The following EIF4G1 variants were observed in gnomAD, a reference collection of about 807,000 sequenced individuals.
The protein encoded by EIF4G1 is EIF4-gamma.
In EIF4G1, 4 loss-of-function variants were observed where a neutral mutation model predicts 187.8. The ratio of observed to expected loss-of-function variants is 0.02; its 90% CI spans 0.01 to 0.05. The LOEUF (loss-of-function observed/expected upper bound fraction) is 0.05, where lower values mean the gene tolerates loss of function less well. Ranked by LOEUF, EIF4G1 falls within the 10% of genes least tolerant of loss-of-function variation. The probability of loss-of-function intolerance (pLI) is 1.00; values close to 1 mark genes in which losing one functional copy is unlikely to be tolerated. For synonymous variants in EIF4G1, 844 were observed against 781.4 expected, an observed-to-expected ratio of 1.08 and a Z score of -1.34; for missense variants, 1,647 against 2,081.1, an observed-to-expected ratio of 0.79 and a Z score of 4.06.
Position 184,323,396 on chromosome 3 carries a change from C to T in EIF4G1, c.2089-12C>T. ...TCCATGTCCCCTCTTGTCTTCATCC[C>T]TTGCTTAGCAGGCTGGCCTGGGACC... is the stretch of plus-strand genomic sequence containing the variant. On this transcript the variant is annotated splice_polypyrimidine_tract_variant and intron_variant, in intron 14 of 32. Transcript: ENST00000346169. The surrounding 1 kb of genome is among the most constrained non-coding windows in gnomAD (Gnocchi z 6.9). 1 of 1,614,178 alleles carries T rather than the reference C, an allele frequency of 6.2e-7. No homozygotes were observed. Among genetic ancestry groups the T allele is most frequent in the Middle Eastern group, 1.7e-4 (1 of 6,056 alleles).
At chr3:184,324,854 C>T in intron 17 of EIF4G1, 24 bp from the exon 18 acceptor site, 1 of 1,610,578 alleles carries the variant, frequency 6.2e-7, no homozygotes, top group Non-Finnish European at 8.5e-7. Context: ...CTTTTTGACA[C>T]AATCCCTGTC....
In EIF4G1 at chr3:184,321,409, G is replaced by T. The variant is rs1459130997; in HGVS notation, c.825G>T (p.Gly275=). 1 of 1,614,112 alleles carries T rather than the reference G, an allele frequency of 6.2e-7. No individual in the cohort carries two copies. The highest frequency in any genetic ancestry group is 8.5e-7 in the Non-Finnish European group (1 of 1,180,030). The change falls in exon 10 of 33, where the codon GGG becomes GGT. Residue 275 remains glycine, a synonymous_variant. Transcript: ENST00000346169. ...CACCATCCCCAGTCTTGGAACCGGG[G>T]TCTGAGCCTAATCTCGCAGTCCTCT... ...TPSPSPVLEP[G]SEPNLAVLSI... is the part of the protein sequence containing the mutation.
chr3:184,325,709 T>C lies in EIF4G1; in HGVS notation c.3121+70T>C. ...GGAGGTTATACTTTCCTCTGATGAC[T>C]TCCTGTTAGTGCCACGTGTCTGGGC... On this transcript the variant is annotated intron_variant, in intron 20 of 32. Coordinates refer to ENST00000346169, the MANE Select transcript of EIF4G1 (RefSeq NM_198241.3). The surrounding 1 kb of genome is among the most constrained non-coding windows in gnomAD (Gnocchi z 5.2). 6.2e-7 allele frequency: 1 copy of C among 1,612,962 alleles called. No homozygotes were observed. The highest frequency in any genetic ancestry group is 8.5e-7 in the Non-Finnish European group (1 of 1,178,984).
intron 32 of EIF4G1, among the ~76,000 whole-genome samples, chr3:184,332,639 G>T (rs1726337421): frequency 6.6e-6 from 1 of 152,154 alleles, no homozygotes; most frequent in Non-Finnish European, 1.5e-5. Flanking sequence ...GGGTGCTCTC[G>T]GAGGGAGGAC....
In EIF4G1 at chr3:184,325,669, G is replaced by A. The variant is rs1331987387; in HGVS notation, c.3121+30G>A. On this transcript the variant is annotated intron_variant, in intron 20 of 32. Coordinates refer to ENST00000346169, the MANE Select transcript of EIF4G1 (RefSeq NM_198241.3). This position sits in a 1 kb window ranked among gnomAD's most constrained non-coding sequence, Gnocchi z 5.2. Reference sequence around the variant, plus strand: ...GTTCCAAGCTGGGATTGAGAAGGGAGCAGTGAAGGGACCGGGAGGTTATAC... The same window carrying A: ...GTTCCAAGCTGGGATTGAGAAGGGAACAGTGAAGGGACCGGGAGGTTATAC... The A allele has an allele frequency of 6.2e-7, 1 of 1,614,044 alleles. No individual in the cohort carries two copies. Among genetic ancestry groups the A allele is most frequent in the East Asian group, 2.2e-5 (1 of 44,906 alleles).
At chr3:184,326,703 G>GAGGCCTTCAGTACAAGGTGGTTAGGC in intron 22 of EIF4G1, 74 bp downstream of exon 22, 1 of 1,557,992 alleles carries the variant, frequency 6.4e-7, no homozygotes. Context: ...TTCTGTTAGG[G>GAGGCCTTCAGTACAAGGTGGTTAGGC]AGGCCTTCAG....
chr3:184,319,457 G>T (rs1723431492), intron 6 of EIF4G1, among the ~76,000 whole-genome samples: 1 of 38,490 alleles, frequency 2.6e-5, no homozygotes, highest in Non-Finnish European at 5.1e-5. Context: ...GTGTGTGTGT[G>T]TGTGTGTGTT....
chr3:184,331,113 G>C (rs1280301538), intron 28 of EIF4G1, among the ~76,000 whole-genome samples, 153 bp from the exon 29 acceptor site: 1 of 152,192 alleles, frequency 6.6e-6, no homozygotes, highest in Non-Finnish European at 1.5e-5. Flanking sequence ...AGGAATGGAA[G>C]GGCTTTGCCT....
chr3:184,317,637 G>T, intron 5 of EIF4G1, 80 bp from the exon 6 acceptor site: 1 of 1,534,186 alleles, frequency 6.5e-7, no homozygotes, highest in South Asian at 1.1e-5. Context: ...GTCTTGTCTT[G>T]ACCTATGTTC....
rs112964442 is a variant in EIF4G1, at chr3:184,324,859, C to A, written c.2620-19C>A. 10 of 1,611,482 alleles carry A rather than the reference C, an allele frequency of 6.2e-6. No individual in the cohort carries two copies. Among genetic ancestry groups the A allele is most frequent in the African/African-American group, 2.7e-5 (2 of 74,902 alleles). ...GGCTGGTTATCTTTTTGACACAATC[C>A]CTGTCCTGTGAATGGCAGGCAGAGG... is the stretch of plus-strand genomic sequence containing the variant. On this transcript the variant is annotated intron_variant, in intron 17 of 32. Transcript: ENST00000346169.
rs1934921146 is a variant in EIF4G1 at position 184,327,228 on chromosome 3, C to T, written c.3441C>T (p.Ser1147=). 26 of 1,612,572 alleles carry T rather than the reference C, an allele frequency of 1.6e-5. No individual in the cohort carries two copies. The highest frequency in any genetic ancestry group is 2.7e-5 in the African/African-American group (2 of 74,900). The change falls in exon 24 of 33, where the codon AGC becomes AGT. Residue 1147 remains serine, a synonymous_variant. Transcript: ENST00000346169. ...GTCTGTCTTCCAGGAGTAGCTTGAGCCGAGAACGAGGCGAGAAAGCTGGAG... is the reference window on the plus strand; with the variant it reads ...GTCTGTCTTCCAGGAGTAGCTTGAGTCGAGAACGAGGCGAGAAAGCTGGAG... ...NRRVVQRSSL[S]RERGEKAGDR... is the part of the protein sequence containing the mutation.
In EIF4G1 at chr3:184,326,893, C is replaced by T. The variant is rs1351370383; in HGVS notation, c.3338C>T (p.Ala1113Val). 1 of 1,614,220 alleles carries T rather than the reference C, an allele frequency of 6.2e-7. No individual in the cohort carries two copies. Among genetic ancestry groups the T allele is most frequent in the African/African-American group, 1.3e-5 (1 of 75,056 alleles). The change falls in exon 23 of 33, where the codon GCT becomes GTT. Residue 1113 changes from alanine to valine, a missense_variant. Around this residue, in one of 11 missense-constraint regions of EIF4G1, gnomAD observed 543 missense variants for 638.0 expected, o/e 0.85. Transcript: ENST00000346169. Reference protein sequence around the residue: ...AKPSDAASEAARPATSTLNRF... With the variant: ...AKPSDAASEAVRPATSTLNRF... Reference sequence around the variant, plus strand: ...TCTGCATCCCCAGCATCAGAAGCTGCTCGCCCAGCTACTAGTACTTTGAAT... The same window carrying T: ...TCTGCATCCCCAGCATCAGAAGCTGTTCGCCCAGCTACTAGTACTTTGAAT...
At position 184,329,000 on chromosome 3, in the gene EIF4G1, G is replaced by A. The variant is rs1725504728; in HGVS notation, c.4161+10G>A. The A allele has an allele frequency of 2.5e-6, 4 of 1,613,914 alleles. No homozygotes were observed. In the Admixed American group the frequency reaches 6.7e-5, roughly 27 times the overall value. Reference sequence around the variant, plus strand: ...CCTGTGCAAAAGCATGGTGAGTGAGGGCCAGGAGTCCAGAGATGCCTCCCA... The same window carrying A: ...CCTGTGCAAAAGCATGGTGAGTGAGAGCCAGGAGTCCAGAGATGCCTCCCA... On this transcript the variant is annotated intron_variant, in intron 28 of 32. Coordinates refer to ENST00000346169, the MANE Select transcript of EIF4G1 (RefSeq NM_198241.3).
Position 184,323,528 on chromosome 3 carries a change from A to C in EIF4G1, c.2209A>C (p.Ser737Arg). The C allele has an allele frequency of 6.2e-7, 1 of 1,614,196 alleles. No individual in the cohort carries two copies. Among genetic ancestry groups the C allele is most frequent in the East Asian group, 2.2e-5 (1 of 44,874 alleles). ...CAAAGCAGAGAAAGCCTGGAAACCC[A>C]GCAGCAAGCGGACGGCGGCTGATAA... ...LNKAEKAWKP[S>R]SKRTAADKDR... The change falls in exon 15 of 33, where the codon AGC becomes CGC. Residue 737 changes from serine (S) to arginine (R), a missense_variant. Transcript: ENST00000346169. This position sits in a 1 kb window ranked among gnomAD's most constrained non-coding sequence, Gnocchi z 6.9.
At position 184,334,979 on chromosome 3, in the gene EIF4G1, G is replaced by A; in HGVS notation, c.*71G>A. 1.3e-6 allele frequency: 2 copies of A among 1,595,488 alleles called. No individual in the cohort carries two copies. Among genetic ancestry groups the A allele is most frequent in the Non-Finnish European group, 1.7e-6 (2 of 1,168,878 alleles). On this transcript the variant is annotated 3_prime_UTR_variant, in exon 33 of 33. Transcript: ENST00000346169. The surrounding 1 kb of genome is among the most constrained non-coding windows in gnomAD (Gnocchi z 5.8). ...GCCCGGCTAGCCGCCTGGACTGCAG[G>A]GGGGCGGCAGCAGCGGCGGTGGCAG...
chr3:184,320,182 A>G (rs914383669), intron 7 of EIF4G1: 48 of 1,037,376 alleles, frequency 4.6e-5, no homozygotes, highest in African/African-American at 1.0e-4. Flanking sequence ...TCAGTCCTCA[A>G]GCCCTGGGCG....
At chr3:184,320,840 T>C (rs1361710956) in intron 8 of EIF4G1, 87 bp from the exon 9 acceptor site, 2 of 1,607,208 alleles carry the variant, frequency 1.2e-6, no homozygotes, top group African/African-American at 2.7e-5. Context: ...CCTGGATTTC[T>C]AGGCAGAGCT....
chr3:184,326,886 G>C lies in EIF4G1; in HGVS notation c.3331G>C (p.Glu1111Gln), dbSNP rs779189041. The C allele has an allele frequency of 1.9e-6, 3 of 1,614,230 alleles. No homozygotes were observed. The highest frequency in any genetic ancestry group is 2.5e-6 in the Non-Finnish European group (3 of 1,180,048). The change falls in exon 23 of 33, where the codon GAA becomes CAA. Residue 1111 changes from glutamate (E) to glutamine (Q), a missense_variant. Glu to Gln is a conservative substitution (Grantham distance 29, BLOSUM62 2). Around this residue, in one of 11 missense-constraint regions of EIF4G1, gnomAD observed 543 missense variants for 638.0 expected, o/e 0.85. Transcript: ENST00000346169. ...CGGATTTTCTGCATCCCCAGCATCA[G>C]AAGCTGCTCGCCCAGCTACTAGTAC... ...SGAKPSDAAS[E>Q]AARPATSTLN...
Position 184,331,803 on chromosome 3 carries a change from A to C in EIF4G1, c.4471A>C (p.Ile1491Leu). The C allele has an allele frequency of 6.2e-7, 1 of 1,614,130 alleles. No individual in the cohort carries two copies. Among genetic ancestry groups the C allele is most frequent in the East Asian group, 2.2e-5 (1 of 44,886 alleles). ...CATGACGGCTGTCTGCTATTCTGCA[A>C]TTATTTGTAAGAGGAACCAGGGAGA... Reference protein sequence around the residue: ...ALMTAVCYSAIIFETPLRVDV... With the variant: ...ALMTAVCYSALIFETPLRVDV... The change falls in exon 31 of 33, where the codon ATT becomes CTT. Residue 1491 changes from isoleucine (I) to leucine (L), a missense_variant. By Grantham distance (5) the Ile-to-Leu change is conservative (BLOSUM62 2). This residue lies in a region of EIF4G1 where 543 missense variants were observed against 638.0 expected (regional missense o/e 0.85). Transcript: ENST00000346169.
Sources: gnomAD v4.1 joint callset for allele counts (sites outside exome capture counted in the v4.1 genomes callset) on GRCh38, gnomAD v4.1.1 for gene constraint, gnomAD v4.1.1 regional missense constraint, Gnocchi (gnomAD v3.1) non-coding constraint, MANE v1.5 for transcripts, NCBI Gene and HGNC (gene_info 2026-07-23, HGNC 2026-07-21) for gene names.